Variants in DMC1 observed in about 807,000 individuals in gnomAD.
DMC1 encodes DNA meiotic recombinase 1.
A neutral mutation model predicts 50.1 loss-of-function variants in DMC1; 27 were observed. The observed-to-expected ratio is 0.54, with a 90% CI of 0.40 to 0.74. The LOEUF is 0.74. Ranked by LOEUF, DMC1 falls within the 30% of genes least tolerant of loss-of-function variation. The pLI is 0.00. For synonymous variants in DMC1, 148 were observed against 136.1 expected (o/e 1.09, Z -0.61); for missense variants, 295 against 420.2 (o/e 0.70, Z 2.60).
intron 12 of DMC1, among the ~76,000 whole-genome samples, chr22:38,534,867 T>C (rs1187153115): frequency 7.3e-6 from 1 of 136,616 alleles, no homozygotes; most frequent in African/African-American, 2.8e-5. Context: ...TAGCCAGGGG[T>C]GGTTGGCAGG....
intron 12 of DMC1, among the ~76,000 whole-genome samples, chr22:38,528,917 A>T (rs1189555869): frequency 6.6e-6 from 1 of 152,242 alleles, no homozygotes; most frequent in African/African-American, 2.4e-5. Flanking sequence ...CCTGACTATT[A>T]CAGCAGTTAT....
At position 38,570,173 on chromosome 22, in the gene DMC1, C is replaced by T. The variant is rs1235687041; in HGVS notation, c.-164G>A. 2 of 151,978 alleles carry T rather than the reference C, an allele frequency of 1.3e-5. No homozygotes were observed. Among genetic ancestry groups the T allele is most frequent in the Non-Finnish European group, 2.9e-5 (2 of 68,220 alleles). 9.4% of individuals were successfully genotyped at this position (151,978 alleles called of 1,614,324 possible). ...CTGGAGACCCGCGCGCCGTTGACCA[C>T]AGGGTTTGGCGCCAAACGAGGAGGG... On this transcript the variant is annotated 5_prime_UTR_variant, in exon 1 of 14. In the 5' UTR this introduces an upstream ATG that the reference lacks. Coordinates refer to ENST00000216024, the MANE Select transcript of DMC1 (RefSeq NM_007068.4).
chr22:38,557,082 T>C (rs929341996), intron 5 of DMC1, among the ~76,000 whole-genome samples: 1 of 152,204 alleles, frequency 6.6e-6, no homozygotes, highest in African/African-American at 2.4e-5. Context: ...GCAGGTTTGT[T>C]ACATAGGTAA....
At position 38,555,337 on chromosome 22, in the gene DMC1, A is replaced by G; in HGVS notation, c.379+20T>C. ...GTGTGTATAATATTTCATTTAACAA[A>G]ATATTAAGGTTCTACCTACCTCCAA... On this transcript the variant is annotated intron_variant, in intron 6 of 13. Coordinates refer to ENST00000216024, the MANE Select transcript of DMC1 (RefSeq NM_007068.4). 6.4e-7 allele frequency: 1 copy of G among 1,562,156 alleles called. No homozygotes were observed. The highest frequency in any genetic ancestry group is 8.8e-7 in the Non-Finnish European group (1 of 1,133,284).
chr22:38,548,500 G>A (rs1470421336), intron 8 of DMC1, among the ~76,000 whole-genome samples: 1 of 152,112 alleles, frequency 6.6e-6, no homozygotes, highest in Non-Finnish European at 1.5e-5. Context: ...ACTTGACCCT[G>A]GGAGTTCGAG....
At chr22:38,562,212 G>A (rs901803079) in intron 5 of DMC1, 75 bp downstream of exon 5, 3 of 1,004,808 alleles carry the variant, frequency 3.0e-6, no homozygotes, top group South Asian at 2.7e-5. Context: ...TATAGTAGAA[G>A]TAACCAGAAA....
At chr22:38,534,791 C>A (rs1332032421) in intron 12 of DMC1, among the ~76,000 whole-genome samples, 2 of 151,162 alleles carry the variant, frequency 1.3e-5, no homozygotes, top group East Asian at 1.9e-4. Flanking sequence ...CACCTGAGGT[C>A]GGGAGTTCGA....
intron 12 of DMC1, among the ~76,000 whole-genome samples, chr22:38,531,282 T>C (rs981583516): frequency 1.3e-5 from 2 of 152,136 alleles, no homozygotes; most frequent in African/African-American, 4.8e-5. Context: ...ACTGGATCAT[T>C]CCAGTTCTAA....
intron 4 of DMC1, among the ~76,000 whole-genome samples, chr22:38,562,844 T>C (rs2090543919): frequency 6.6e-6 from 1 of 152,030 alleles, no homozygotes; most frequent in Admixed American, 6.6e-5. Flanking sequence ...TATACACATA[T>C]ATATACACAT....
chr22:38,518,525 T>C (rs898590750), downstream of DMC1, among the ~76,000 whole-genome samples: 2 of 151,954 alleles, frequency 1.3e-5, no homozygotes, highest in Non-Finnish European at 2.9e-5. Flanking sequence ...TTGAATTTTC[T>C]TCTCTTTCCT....
chr22:38,565,388 A>G (rs1217320691), intron 4 of DMC1, among the ~76,000 whole-genome samples: 1 of 152,186 alleles, frequency 6.6e-6, no homozygotes, highest in African/African-American at 2.4e-5. Flanking sequence ...TCAGTTTACC[A>G]TTGCTATGGC....
chr22:38,550,345 A>G (rs1287527846), intron 7 of DMC1, among the ~76,000 whole-genome samples: 1 of 132,440 alleles, frequency 7.6e-6, no homozygotes, highest in Non-Finnish European at 1.6e-5. Context: ...AGACGAGTCT[A>G]GCTCTGTCGT....
intron 13 of DMC1, 45 bp from the exon 14 acceptor site, chr22:38,520,134 C>G: frequency 7.0e-7 from 1 of 1,423,482 alleles, no homozygotes; most frequent in Non-Finnish European, 9.9e-7. Context: ...AGCTCTATTT[C>G]TATAAATACT....
chr22:38,526,670 T>C (rs1431988787), intron 12 of DMC1, among the ~76,000 whole-genome samples: 5 of 151,070 alleles, frequency 3.3e-5, no homozygotes. Context: ...TGGGTATTAA[T>C]AATAATAATA....
intron 6 of DMC1, among the ~76,000 whole-genome samples, chr22:38,554,982 G>T (rs2090453747): frequency 6.6e-6 from 1 of 151,890 alleles, no homozygotes; most frequent in Non-Finnish European, 1.5e-5. Context: ...TACTCGGGAG[G>T]CTGAGGCAGG....
chr22:38,549,777 C>G, intron 8 of DMC1, 148 bp downstream of exon 8: 1 of 646,470 alleles, frequency 1.5e-6, no homozygotes, highest in Non-Finnish European at 2.8e-6. Context: ...GATTGGAGAA[C>G]TTAAACAGTA....
Position 38,521,663 on chromosome 22 carries a change from T to G in DMC1, c.898A>C (p.Arg300=), listed in dbSNP as rs2090029661. ...CCTCTTCCCTTTCGCAAGCTTATTC[T>G]TGTTGTTGAAGCATGAGCCAGAATG... is the stretch of plus-strand genomic sequence containing the variant. ...GHILAHASTT[R]ISLRKGRGEL... is the part of the protein sequence containing the mutation. Residue 300 remains arginine (R), a synonymous_variant, in exon 13 of 14, where the codon AGA becomes CGA. Coordinates refer to ENST00000216024, the MANE Select transcript of DMC1 (RefSeq NM_007068.4). 5 of 1,613,934 alleles carry G rather than the reference T, an allele frequency of 3.1e-6. No individual in the cohort carries two copies. In the African/African-American group the frequency reaches 6.7e-5, roughly 22 times the overall value.
intron 13 of DMC1, among the ~76,000 whole-genome samples, chr22:38,521,031 C>T (rs1340339733): frequency 2.6e-5 from 4 of 151,982 alleles, no homozygotes; most frequent in Middle Eastern, 3.4e-3. Flanking sequence ...GCCACTGTGC[C>T]GGGCCAAAAT....
At chr22:38,517,134 A>G (rs2089981374), downstream of DMC1, among the ~76,000 whole-genome samples, 1 of 152,188 alleles carries the variant, frequency 6.6e-6, no homozygotes, top group South Asian at 2.1e-4. Flanking sequence ...TCTGGAGTGT[A>G]AGGGCCAGAT....
Sources: allele counts gnomAD v4.1 joint callset (sites outside exome capture counted in the v4.1 genomes callset), GRCh38; gene constraint gnomAD v4.1.1; transcripts MANE v1.5; gene names NCBI Gene and HGNC (gene_info 2026-07-23, HGNC 2026-07-21).